RASSF9: variants seen among roughly 807,000 people sequenced by gnomAD.
RASSF9 encodes the protein ras association domain-containing protein 9.
In RASSF9, 18 loss-of-function variants were observed where a neutral mutation model predicts 21.4. That is an observed-to-expected ratio of 0.84 (90% CI 0.58 to 1.25). The LOEUF is 1.25. Among genes scored for constraint, RASSF9 ranks in the 50% most tolerant of loss-of-function variants. The probability of loss-of-function intolerance (pLI) is 0.00; values close to 1 mark genes in which losing one functional copy is unlikely to be tolerated. For missense variants in RASSF9, 480 were observed against 503.2 expected (o/e 0.95, Z 0.44); for synonymous variants, 183 against 179.1 (o/e 1.02, Z -0.18).
At position 85,804,431 on chromosome 12, in the gene RASSF9, T is replaced by C. The variant is rs1879769147; in HGVS notation, c.*271A>G. 1 of 344,772 alleles carries C rather than the reference T, an allele frequency of 2.9e-6. No homozygotes were observed. Among genetic ancestry groups the C allele is most frequent in the East Asian group, 4.7e-5 (1 of 21,236 alleles). The allele number at this position is 344,772 out of a possible 1,614,324, so 21.4% of individuals were successfully genotyped here. On this transcript the variant is annotated 3_prime_UTR_variant, in exon 2 of 2. Transcript: ENST00000361228. ...TTTCCACAGACGCTAAGGAAGATTA[T>C]CATATGATTCCCATCAAATTATTTC...
Position 85,803,880 on chromosome 12 carries a change from T to C in RASSF9, c.*822A>G, listed in dbSNP as rs1879755105. The C allele has an allele frequency of 6.6e-6, 1 of 152,208 alleles. No individual in the cohort carries two copies. Among genetic ancestry groups the C allele is most frequent in the African/African-American group, 2.4e-5 (1 of 41,446 alleles). The allele number at this position is 152,208 out of a possible 1,614,324, so 9.4% of individuals were successfully genotyped here. A position where few individuals can be genotyped will look rare whatever the true frequency, so the allele number is the denominator to read the frequency against. On this transcript the variant is annotated 3_prime_UTR_variant, in exon 2 of 2. Transcript: ENST00000361228. Reference sequence around the variant, plus strand: ...ACAGAAGGGTTCCAAATTCCATCATTGCAACTTTTGTAGATAGGACATAAA... The same window carrying C: ...ACAGAAGGGTTCCAAATTCCATCATCGCAACTTTTGTAGATAGGACATAAA...
chr12:85,822,565 G>A (rs1209662466), intron 1 of RASSF9, among the ~76,000 whole-genome samples: 1 of 152,126 alleles, frequency 6.6e-6, no homozygotes, highest in Non-Finnish European at 1.5e-5. Flanking sequence ...GAAAAGGAGA[G>A]ATATTATTCT....
intron 1 of RASSF9, among the ~76,000 whole-genome samples, chr12:85,814,847 A>C (rs1880026283): frequency 6.6e-6 from 1 of 152,098 alleles, no homozygotes; most frequent in Non-Finnish European, 1.5e-5. Context: ...ATTGTATTTG[A>C]ATATATGGCC....
intron 1 of RASSF9, among the ~76,000 whole-genome samples, chr12:85,815,964 G>A (rs1344837506): frequency 6.6e-6 from 1 of 152,038 alleles, no homozygotes. Flanking sequence ...TATACACCAT[G>A]GAATACTATG....
intron 1 of RASSF9, among the ~76,000 whole-genome samples, chr12:85,806,672 C>CAAAAAAAAAAAAAAA (rs71076150): frequency 3.6e-5 from 2 of 54,822 alleles, no homozygotes; most frequent in African/African-American, 1.3e-4. Flanking sequence ...GACTCCATCT[C>CAAAAAAAAAAAAAAA]AAAAAAAAAA....
At chr12:85,814,770 A>G (rs1476726895) in intron 1 of RASSF9, among the ~76,000 whole-genome samples, 1 of 152,008 alleles carries the variant, frequency 6.6e-6, no homozygotes, top group African/African-American at 2.4e-5. Context: ...CTAAGGAATA[A>G]GATTAATTTT....
At chr12:85,812,986 G>C (rs1024056648) in intron 1 of RASSF9, among the ~76,000 whole-genome samples, 16 of 151,744 alleles carry the variant, frequency 1.1e-4, no homozygotes, top group Admixed American at 2.6e-4. Flanking sequence ...GATCAAAGAT[G>C]AGCCCAAGAA....
chr12:85,814,083 G>T (rs1880010992), intron 1 of RASSF9, among the ~76,000 whole-genome samples: 2 of 151,978 alleles, frequency 1.3e-5, no homozygotes, highest in South Asian at 4.1e-4. Context: ...TGGCACCTAT[G>T]CCTAGAGATT....
At chr12:85,814,990 T>C (rs994548808) in intron 1 of RASSF9, among the ~76,000 whole-genome samples, 5 of 152,054 alleles carry the variant, frequency 3.3e-5, no homozygotes, top group Non-Finnish European at 7.4e-5. Context: ...ATTGCAATTC[T>C]CTTATATGCC....
chr12:85,803,579 C>T lies in RASSF9; in HGVS notation c.*1123G>A, dbSNP rs1565750286. ...AGCAAAGAAGGGAGAGAGAAGAAAG[C>T]ACATTTCTAATTAAAACACAAGCAT... On this transcript the variant is annotated 3_prime_UTR_variant, in exon 2 of 2. Coordinates refer to ENST00000361228, the MANE Select transcript of RASSF9 (RefSeq NM_005447.4). 6.6e-6 allele frequency: 1 copy of T among 152,038 alleles called. No homozygotes were observed. Among genetic ancestry groups the T allele is most frequent in the Non-Finnish European group, 1.5e-5 (1 of 67,988 alleles). The allele number at this position is 152,038 out of a possible 1,614,324, so 9.4% of individuals were successfully genotyped here. A position where few individuals can be genotyped will look rare whatever the true frequency, so the allele number is the denominator to read the frequency against.
At chr12:85,817,047 A>T (rs1880086112) in intron 1 of RASSF9, among the ~76,000 whole-genome samples, 1 of 152,164 alleles carries the variant, frequency 6.6e-6, no homozygotes, top group Non-Finnish European at 1.5e-5. Context: ...TATTTATCTC[A>T]GGCTTAAATG....
intron 1 of RASSF9, among the ~76,000 whole-genome samples, chr12:85,810,141 C>G (rs1879920875): frequency 6.6e-6 from 1 of 151,916 alleles, no homozygotes; most frequent in Admixed American, 6.6e-5. Context: ...CTTCACCAAG[C>G]CTAGAGTCTC....
At position 85,805,058 on chromosome 12, in the gene RASSF9, C is replaced by T. The variant is rs1159511887; in HGVS notation, c.952G>A (p.Val318Ile). ...SELESSNLES[V>I]KCDLEKSMKA... ...ATGCTTTTCTCCAAATCACACTTAA[C>T]ACTCTCTAAATTAGAGCTTTCCAGT... is the stretch of plus-strand genomic sequence containing the variant. The change falls in exon 2 of 2, where the codon GTT becomes ATT. Residue 318 changes from valine to isoleucine, a missense_variant. Val to Ile is a conservative substitution (Grantham distance 29, BLOSUM62 3). Coordinates refer to ENST00000361228, the MANE Select transcript of RASSF9 (RefSeq NM_005447.4). 1.9e-6 allele frequency: 3 copies of T among 1,614,002 alleles called. No homozygotes were observed. Among genetic ancestry groups the T allele is most frequent in the Non-Finnish European group, 2.5e-6 (3 of 1,179,890 alleles).
chr12:85,828,078 G>C (rs1880371388), intron 1 of RASSF9, among the ~76,000 whole-genome samples: 1 of 151,960 alleles, frequency 6.6e-6, no homozygotes, highest in African/African-American at 2.4e-5. Context: ...TTTACATATG[G>C]CTTGTGTGTC....
chr12:85,836,222 A>G lies in RASSF9; in HGVS notation c.-21T>C, dbSNP rs1433980207. Reference sequence around the variant, plus strand: ...GCCATGGTCTGTCGGGCAAACGAATAAAGAAATTATCTTAAAGTGATCTGA... The same window carrying G: ...GCCATGGTCTGTCGGGCAAACGAATGAAGAAATTATCTTAAAGTGATCTGA... On this transcript the variant is annotated 5_prime_UTR_variant, in exon 1 of 2. Transcript: ENST00000361228. 6.5e-7 allele frequency: 1 copy of G among 1,547,468 alleles called. No individual in the cohort carries two copies. The highest frequency in any genetic ancestry group is 2.5e-5 in the East Asian group (1 of 40,788).
chr12:85,805,305 A>C lies in RASSF9; in HGVS notation c.705T>G (p.Tyr235Ter), dbSNP rs748668177. ...CAACTTCACTGAAACTGGGCATTAA[A>C]TATGCATCCTGAACATAGTTTTCTC... ...NDGENYVQDA[Y>*]LMPSFSEVEQ... is the part of the protein sequence containing the mutation. Residue 235 changes from tyrosine (Y) to a stop codon, truncating the protein, a stop_gained, in exon 2 of 2, where the codon TAT becomes TAG. Coordinates refer to ENST00000361228, the MANE Select transcript of RASSF9 (RefSeq NM_005447.4). LOFTEE classifies it low-confidence loss of function (END_TRUNC). The C allele has an allele frequency of 1.2e-6, 2 of 1,613,532 alleles. No individual in the cohort carries two copies. The highest frequency in any genetic ancestry group is 3.3e-5 in the Admixed American group (2 of 60,014).
intron 1 of RASSF9, among the ~76,000 whole-genome samples, chr12:85,826,479 G>C (rs1880336092): frequency 7.4e-6 from 1 of 135,276 alleles, no homozygotes; most frequent in East Asian, 2.1e-4. Context: ...GCAGAATCTC[G>C]CTCTGTCGCC....
At chr12:85,821,294 A>C (rs1475428879) in intron 1 of RASSF9, among the ~76,000 whole-genome samples, 1 of 152,222 alleles carries the variant, frequency 6.6e-6, no homozygotes, top group Non-Finnish European at 1.5e-5. Flanking sequence ...GCTCTGGCCC[A>C]AAACTAACTG....
intron 1 of RASSF9, among the ~76,000 whole-genome samples, chr12:85,825,453 G>A (rs761252300): frequency 1.2e-4 from 19 of 152,006 alleles, no homozygotes; most frequent in Admixed American, 6.6e-5. Context: ...TAAGGACCTC[G>A]TGGTTATAAC....
Sources: gnomAD v4.1 joint callset for allele counts (sites outside exome capture counted in the v4.1 genomes callset) on GRCh38, gnomAD v4.1.1 for gene constraint, MANE v1.5 for transcripts, NCBI Gene and HGNC (gene_info 2026-07-23, HGNC 2026-07-21) for gene names.